The following LINGO2 variants were observed in gnomAD, a reference collection of about 807,000 sequenced individuals.
LINGO2 encodes leucine rich repeat and Ig domain containing 2.
Under a neutral mutation model 30.6 loss-of-function variants are expected in LINGO2, and 14 were observed. That is an observed-to-expected ratio of 0.46 (90% CI 0.30 to 0.72). The LOEUF (loss-of-function observed/expected upper bound fraction) is 0.72, where lower values mean the gene tolerates loss of function less well. Among genes scored for constraint, LINGO2 ranks in the 30% least tolerant of loss-of-function variants. LINGO2 has a pLI of 0.07. For synonymous variants in LINGO2, 317 were observed against 288.5 expected (o/e 1.10, Z -1.00); for missense variants, 729 against 751.7 (o/e 0.97, Z 0.35).
In LINGO2 at chr9:28,118,947, A is replaced by G. The variant is rs151216272; in HGVS notation, c.-86-106542T>C. Among the ~76,000 whole-genome samples, 1,403 of 152,342 alleles carry G rather than the reference A, an allele frequency of 9.2e-3. 12 individuals carry two copies. Among genetic ancestry groups the G allele is most frequent in the Non-Finnish European group, 0.015 (1,000 of 68,020 alleles). ...TAGAAGTTGATGCTACATATTTATC[A>G]TAAGGGCTTGGAAATTAATTGTATA... On this transcript the variant is annotated intron_variant, in intron 4 of 5. Transcript: ENST00000379992.
chr9:28,766,850 G>A, the LINGO2 span, among the ~76,000 whole-genome samples: 4 of 138,808 alleles, frequency 2.9e-5, no homozygotes, highest in African/African-American at 9.7e-5. Flanking sequence ...GAGAGAGAGA[G>A]AGAAAGAAAA....
intron 1 of LINGO2, among the ~76,000 whole-genome samples, chr9:28,480,797 C>T (rs1038208601): frequency 6.6e-6 from 1 of 151,992 alleles, no homozygotes; most frequent in African/African-American, 2.4e-5. Flanking sequence ...CTTTTAGGCC[C>T]TGATTCCCTT....
chr9:28,836,607 C>T, the LINGO2 span, among the ~76,000 whole-genome samples: 167 of 152,210 alleles, frequency 1.1e-3, no homozygotes, highest in African/African-American at 3.5e-3. Context: ...TGAGCCACCA[C>T]GCCTGGCCCT....
intron 1 of LINGO2, among the ~76,000 whole-genome samples, chr9:28,575,352 T>A (rs1402521884): frequency 6.6e-6 from 1 of 151,376 alleles, no homozygotes; most frequent in Non-Finnish European, 1.5e-5. Flanking sequence ...TGAGCCAAGA[T>A]TGTGCCACTG....
chr9:28,099,154 G>T (rs570663516), intron 4 of LINGO2, among the ~76,000 whole-genome samples: 3 of 152,036 alleles, frequency 2.0e-5, no homozygotes, highest in South Asian at 2.1e-4. Context: ...GCTCCACAAG[G>T]TTCCTTACAG....
At chr9:28,078,424 A>G (rs12377650) in intron 4 of LINGO2, among the ~76,000 whole-genome samples, 22,293 of 148,982 alleles carry the variant, frequency 0.15, 2,487 homozygotes, top group Middle Eastern at 0.22. Flanking sequence ...AAATGTCTAA[A>G]TCTGATTTTT....
At chr9:28,294,675 AT>A (rs1331718253) in intron 4 of LINGO2, among the ~76,000 whole-genome samples, 5 of 152,180 alleles carry the variant, frequency 3.3e-5, no homozygotes, top group African/African-American at 1.2e-4. Flanking sequence ...AGCCAAAATA[AT>A]ACAGTATGTC....
chr9:28,544,007 C>A lies in LINGO2; in HGVS notation c.-364-67982G>T, dbSNP rs914931499. ...ATCACTTGAGGTCAGGAGTTTGAGA[C>A]CAACCTGGCCAACATGGCAAAACCC... is the stretch of plus-strand genomic sequence containing the variant. On this transcript the variant is annotated intron_variant, in intron 1 of 5. Transcript: ENST00000379992. Among the ~76,000 whole-genome samples, 52 of 152,002 alleles carry A rather than the reference C, an allele frequency of 3.4e-4. 1 individual carries two copies. Among genetic ancestry groups the A allele is most frequent in the African/African-American group, 1.2e-3 (51 of 41,498 alleles).
At chr9:28,481,945 AC>A (rs1346415301) in intron 1 of LINGO2, among the ~76,000 whole-genome samples, 2 of 152,144 alleles carry the variant, frequency 1.3e-5, no homozygotes, top group African/African-American at 4.8e-5. Flanking sequence ...CCTACAGAAG[AC>A]ATGAACTCAT....
intron 4 of LINGO2, among the ~76,000 whole-genome samples, chr9:28,023,827 G>C (rs1238933141): frequency 1.3e-5 from 2 of 152,026 alleles, no homozygotes; most frequent in African/African-American, 2.4e-5. Context: ...CCAAAGTATG[G>C]GGCCCCCTAA....
chr9:28,213,640 T>C (rs750463357), intron 4 of LINGO2, among the ~76,000 whole-genome samples: 33 of 151,442 alleles, frequency 2.2e-4, no homozygotes, highest in Non-Finnish European at 4.6e-4. Context: ...TATTAGTCAA[T>C]AAATGTAAAA....
intron 1 of LINGO2, among the ~76,000 whole-genome samples, chr9:28,624,616 T>A (rs1826574187): frequency 6.8e-6 from 1 of 147,986 alleles, no homozygotes; most frequent in Non-Finnish European, 1.5e-5. Flanking sequence ...ATCAGAGATA[T>A]TAGCCTGTAG....
chr9:28,668,575 C>G (rs1828892574), intron 1 of LINGO2, among the ~76,000 whole-genome samples: 1 of 151,622 alleles, frequency 6.6e-6, no homozygotes, highest in Non-Finnish European at 1.5e-5. Context: ...ACTATACGCT[C>G]TGAAAGTACA....
In LINGO2 at chr9:28,314,234, G is replaced by A. The variant is rs928303243; in HGVS notation, c.-245-18868C>T. Among the ~76,000 whole-genome samples, 45 of 151,930 alleles carry A rather than the reference G, an allele frequency of 3.0e-4. 1 individual carries two copies. Among genetic ancestry groups the A allele is most frequent in the Admixed American group, 5.3e-4 (8 of 15,234 alleles). ...CAGGCGTGAGCCACCGCGCCCGGCC[G>A]AGAATTGATTTTTGATCTTTTTAAG... On this transcript the variant is annotated intron_variant, in intron 3 of 5. Coordinates refer to ENST00000379992, the Ensembl canonical transcript of LINGO2.
intron 2 of LINGO2, among the ~76,000 whole-genome samples, chr9:28,424,834 T>A (rs12376210): frequency 0.3 from 45,740 of 151,976 alleles, 7,865 homozygotes; most frequent in Non-Finnish European, 0.38. Flanking sequence ...GGCAGTGTTG[T>A]GCAGTAGTTA....
chr9:28,491,747 G>A (rs1162114914), intron 1 of LINGO2, among the ~76,000 whole-genome samples: 1 of 152,072 alleles, frequency 6.6e-6, no homozygotes, highest in Non-Finnish European at 1.5e-5. Flanking sequence ...TTGTTCCAAA[G>A]AGTATTTAGG....
intron 3 of LINGO2, among the ~76,000 whole-genome samples, chr9:28,336,202 C>T (rs1168623872): frequency 6.6e-6 from 1 of 151,942 alleles, no homozygotes; most frequent in African/African-American, 2.4e-5. Flanking sequence ...CCTGTGCTTA[C>T]TTCTCATTTG....
the LINGO2 span, among the ~76,000 whole-genome samples, chr9:29,088,827 T>C: frequency 5.9e-5 from 9 of 152,160 alleles, no homozygotes; most frequent in Non-Finnish European, 8.8e-5. Flanking sequence ...AGTGAAACAA[T>C]TTTTTCATCA....
chr9:28,890,505 G>A, the LINGO2 span, among the ~76,000 whole-genome samples: 1 of 152,052 alleles, frequency 6.6e-6, no homozygotes, highest in African/African-American at 2.4e-5. Context: ...GAATTATGAG[G>A]TTTATGTGGT....
Sources: allele counts gnomAD v4.1 joint callset (sites outside exome capture counted in the v4.1 genomes callset), GRCh38; gene constraint gnomAD v4.1.1; transcripts MANE v1.5; gene names NCBI Gene and HGNC (gene_info 2026-07-23, HGNC 2026-07-21).